Variants in EVC2 observed in about 807,000 individuals in gnomAD.
EVC2 encodes the protein limbin.
EVC2 carries 148 observed loss-of-function variants against 149.3 expected under a neutral mutation model. The ratio of observed to expected loss-of-function variants is 0.99; its 90% confidence interval spans 0.87 to 1.14. EVC2 has a LOEUF of 1.14. Among genes scored for constraint, EVC2 ranks in the 50% most tolerant of loss-of-function variants. The probability of loss-of-function intolerance (pLI) is 0.00; values close to 1 mark genes in which losing one functional copy is unlikely to be tolerated. For synonymous variants in EVC2, 776 were observed against 649.9 expected, an observed-to-expected ratio of 1.19 and a Z score of -2.95; for missense variants, 1,854 against 1,627.3, an observed-to-expected ratio of 1.14 and a Z score of -2.40.
At chr4:5,697,953 A>G (rs778930245) in intron 1 of EVC2, among the ~76,000 whole-genome samples, 3 of 151,862 alleles carry the variant, frequency 2.0e-5, no homozygotes, top group Non-Finnish European at 4.4e-5. Flanking sequence ...GGGTTTCACC[A>G]TATTAGTCAG....
chr4:5,544,085 A>C (rs10937651), intron 21 of EVC2, among the ~76,000 whole-genome samples: 122,146 of 152,106 alleles, frequency 0.8, 52,438 homozygotes, highest in Non-Finnish European at 0.95. Flanking sequence ...TGCCACATGA[A>C]AACTGAAATC....
the EVC2 span, among the ~76,000 whole-genome samples, chr4:5,531,350 T>A: frequency 6.6e-6 from 1 of 152,280 alleles, no homozygotes; most frequent in Non-Finnish European, 1.5e-5. Flanking sequence ...TGGTGTGGTA[T>A]TTGCATATAA....
At position 5,565,378 on chromosome 4, in the gene EVC2, T is replaced by C. The variant is rs769038470; in HGVS notation, c.3558-19A>G. ...GTGTTTCCTGCAGGCAAGAAGGGAG[T>C]CTTATAGTTTCAAAAATACGCCTGT... On this transcript the variant is annotated intron_variant, in intron 20 of 21. Coordinates refer to ENST00000344408, the MANE Select transcript of EVC2 (RefSeq NM_147127.5). 11 of 1,611,696 alleles carry C rather than the reference T, an allele frequency of 6.8e-6. 1 individual carries two copies. In the South Asian group the frequency reaches 1.2e-4, roughly 18 times the overall value.
chr4:5,697,139 G>C (rs1242038544), intron 2 of EVC2, among the ~76,000 whole-genome samples: 2 of 152,228 alleles, frequency 1.3e-5, no homozygotes, highest in Non-Finnish European at 2.9e-5. Context: ...TGGAAAAGGA[G>C]AGGAATTGGT....
At position 5,657,117 on chromosome 4, in the gene EVC2, C is replaced by A. The variant is rs558731285; in HGVS notation, c.1145+5990G>T. On this transcript the variant is annotated intron_variant, in intron 9 of 21. Transcript: ENST00000344408. The surrounding 1 kb of genome is among the most constrained non-coding windows in gnomAD (Gnocchi z 4.7). ...ACTGAGACCACTGCAGGGGAAGGCA[C>A]CTCGTCCAGGCAGGGAGGCCCACCA... is the stretch of plus-strand genomic sequence containing the variant. Among the ~76,000 whole-genome samples the A allele has an allele frequency of 6.6e-6, 1 of 152,150 alleles. No individual in the cohort carries two copies. Among genetic ancestry groups the A allele is most frequent in the African/African-American group, 2.4e-5 (1 of 41,446 alleles).
At chr4:5,675,221 G>A (rs1295331436) in intron 7 of EVC2, among the ~76,000 whole-genome samples, 2 of 152,162 alleles carry the variant, frequency 1.3e-5, no homozygotes, top group Non-Finnish European at 2.9e-5. Context: ...TCTGAGTGCT[G>A]TTTTTAAAGT....
chr4:5,659,743 A>C (rs1376152466), intron 9 of EVC2, among the ~76,000 whole-genome samples: 4 of 152,254 alleles, frequency 2.6e-5, no homozygotes, highest in Admixed American at 6.5e-5. Context: ...ATAATTTCAT[A>C]TAATGTAGGG....
intron 16 of EVC2, among the ~76,000 whole-genome samples, chr4:5,607,220 G>A (rs571734103): frequency 3.9e-5 from 6 of 152,172 alleles, no homozygotes; most frequent in Admixed American, 2.6e-4. Context: ...AACTGGGACC[G>A]TCTCAAGCAA....
the EVC2 span, among the ~76,000 whole-genome samples, chr4:5,537,451 T>C: frequency 6.6e-6 from 1 of 152,292 alleles, no homozygotes; most frequent in South Asian, 2.1e-4. Flanking sequence ...ACTTGAAGAC[T>C]TTGGAAGTCA....
intron 10 of EVC2, among the ~76,000 whole-genome samples, chr4:5,632,790 C>G (rs1388889607): frequency 1.3e-5 from 2 of 152,092 alleles, no homozygotes; most frequent in Non-Finnish European, 2.9e-5. Flanking sequence ...ACGGCCTCCC[C>G]CCAATTATCT....
chr4:5,592,624 C>G (rs540249542), intron 16 of EVC2, among the ~76,000 whole-genome samples: 3 of 152,134 alleles, frequency 2.0e-5, no homozygotes, highest in Non-Finnish European at 2.9e-5. Flanking sequence ...AGCAGCTTCC[C>G]GATAAGAACT....
chr4:5,634,762 G>C (rs1716776688), intron 10 of EVC2, among the ~76,000 whole-genome samples: 1 of 152,054 alleles, frequency 6.6e-6, no homozygotes. Flanking sequence ...CCCTAAAGCA[G>C]GGGAGGCACA....
intron 16 of EVC2, among the ~76,000 whole-genome samples, chr4:5,612,551 A>G (rs373979969): frequency 1.7e-3 from 256 of 152,288 alleles, no homozygotes; most frequent in African/African-American, 5.9e-3. Flanking sequence ...ACAAACAGGA[A>G]AGAGTAGGGA....
In EVC2 at chr4:5,663,032, G is replaced by C. The variant is rs375178236; in HGVS notation, c.1145+75C>G. On this transcript the variant is annotated intron_variant, in intron 9 of 21. Coordinates refer to ENST00000344408, the MANE Select transcript of EVC2 (RefSeq NM_147127.5). Reference sequence around the variant, plus strand: ...TAACTGAATGAATGAAATATACTCAGCATTTGGCCTTATGTCACTGTCGTT... The same window carrying C: ...TAACTGAATGAATGAAATATACTCACCATTTGGCCTTATGTCACTGTCGTT... 4.1e-4 allele frequency: 640 copies of C among 1,566,870 alleles called. 8 individuals carry two copies. In the South Asian group the frequency reaches 6.7e-3, roughly 16 times the overall value.
chr4:5,530,797 C>T, the EVC2 span, among the ~76,000 whole-genome samples: 3 of 152,150 alleles, frequency 2.0e-5, no homozygotes, highest in Non-Finnish European at 2.9e-5. Flanking sequence ...TTTTGTAGGT[C>T]TGGGTTCAAT....
At position 5,708,271 on chromosome 4, in the gene EVC2, T is replaced by C; in HGVS notation, c.228+15A>G. The C allele has an allele frequency of 6.8e-7, 1 of 1,474,684 alleles. No homozygotes were observed. Among genetic ancestry groups the C allele is most frequent in the African/African-American group, 1.5e-5 (1 of 68,202 alleles). 91.3% of individuals were successfully genotyped at this position (1,474,684 alleles called of 1,614,324 possible). A position where few individuals can be genotyped will look rare whatever the true frequency, so the allele number is the denominator to read the frequency against. On this transcript the variant is annotated intron_variant, in intron 1 of 21. Coordinates refer to ENST00000344408, the MANE Select transcript of EVC2 (RefSeq NM_147127.5). ...ACTACAGTCAGACCGGAGCCTGGGG[T>C]CGGGCCCTCCTTACCTGCGTGCTGC...
intron 17 of EVC2, among the ~76,000 whole-genome samples, chr4:5,579,128 A>G (rs1470072236): frequency 6.6e-6 from 1 of 151,928 alleles, no homozygotes; most frequent in Non-Finnish European, 1.5e-5. Flanking sequence ...CATCACTTTT[A>G]TTTTTCAGAA....
At chr4:5,678,734 A>G (rs1720152198) in intron 7 of EVC2, among the ~76,000 whole-genome samples, 1 of 152,210 alleles carries the variant, frequency 6.6e-6, no homozygotes, top group Non-Finnish European at 1.5e-5. Context: ...GTATTTGTAT[A>G]TATAAACAGA....
chr4:5,614,803 C>T lies in EVC2; in HGVS notation c.2829+619G>A, dbSNP rs1189478128. On this transcript the variant is annotated intron_variant, in intron 16 of 21. Coordinates refer to ENST00000344408, the MANE Select transcript of EVC2 (RefSeq NM_147127.5). This position sits in a 1 kb window ranked among gnomAD's most constrained non-coding sequence, Gnocchi z 4.7. The stretch of plus-strand genomic sequence containing the variant: ...GACCAATCTGGCCAACATGGTGAAA[C>T]CACATGTCTACTAAAAATACAAAAA... 2.7e-5 allele frequency among the ~76,000 whole-genome samples: 4 copies of T among 149,338 alleles called. No homozygotes were observed. The highest frequency in any genetic ancestry group is 6.7e-5 in the Admixed American group (1 of 14,910).
Sources: allele counts gnomAD v4.1 joint callset (sites outside exome capture counted in the v4.1 genomes callset), GRCh38; gene constraint gnomAD v4.1.1; non-coding constraint Gnocchi (gnomAD v3.1); transcripts MANE v1.5; gene names NCBI Gene and HGNC (gene_info 2026-07-23, HGNC 2026-07-21).